Variants in IQUB observed in about 807,000 individuals in gnomAD.
IQUB encodes the protein IQ motif and ubiquitin domain containing.
In IQUB, 86 loss-of-function variants were observed where a neutral mutation model predicts 86.4. The ratio of observed to expected loss-of-function variants is 1.00; its 90% CI spans 0.84 to 1.19. The LOEUF is 1.19. IQUB is among the 50% of genes most tolerant of loss of function. The pLI is 0.00. For synonymous variants in IQUB, 289 were observed against 304.5 expected (o/e 0.95, Z 0.53); for missense variants, 946 against 916.9 (o/e 1.03, Z -0.41).
At chr7:123,501,442 C>T (rs1795938784) in intron 6 of IQUB, 1 of 152,194 alleles carries the variant, frequency 6.6e-6, no homozygotes, top group South Asian at 2.1e-4. Context: ...CAAGGACACT[C>T]TACAACTATA....
intron 3 of IQUB, among the ~76,000 whole-genome samples, chr7:123,508,525 A>G (rs1463395167): frequency 2.6e-5 from 4 of 152,218 alleles, no homozygotes; most frequent in Non-Finnish European, 2.9e-5. Flanking sequence ...GATGCCTGGC[A>G]TAGAGTCAAG....
intron 1 of IQUB, among the ~76,000 whole-genome samples, chr7:123,527,108 G>A (rs983442017): frequency 9.9e-5 from 15 of 152,028 alleles, no homozygotes; most frequent in African/African-American, 1.9e-4. Flanking sequence ...TGATCACATC[G>A]GCTCCTGAGG....
intron 7 of IQUB, among the ~76,000 whole-genome samples, chr7:123,484,378 G>A (rs1314915495): frequency 6.6e-6 from 1 of 151,942 alleles, no homozygotes; most frequent in Non-Finnish European, 1.5e-5. Context: ...AGCAGTTTAT[G>A]AATGAAGAGA....
intron 3 of IQUB, among the ~76,000 whole-genome samples, chr7:123,505,706 C>A (rs1253313641): frequency 3.9e-5 from 6 of 152,224 alleles, no homozygotes; most frequent in African/African-American, 1.4e-4. Flanking sequence ...GCCTCCAGGC[C>A]TGTGACAAGA....
At chr7:123,491,143 G>T (rs1357953417) in intron 7 of IQUB, among the ~76,000 whole-genome samples, 3 of 151,958 alleles carry the variant, frequency 2.0e-5, no homozygotes, top group African/African-American at 7.3e-5. Flanking sequence ...TAATCAAAAG[G>T]ATAATTAGAA....
chr7:123,452,623 G>A lies in IQUB; in HGVS notation c.*120C>T. 1 of 589,042 alleles carries A rather than the reference G, an allele frequency of 1.7e-6. No homozygotes were observed. Among genetic ancestry groups the A allele is most frequent in the Non-Finnish European group, 2.7e-6 (1 of 377,140 alleles). The allele number at this position is 589,042 out of a possible 1,614,324, so 36.5% of individuals were successfully genotyped here. A position where few individuals can be genotyped will look rare whatever the true frequency, so the allele number is the denominator to read the frequency against. On this transcript the variant is annotated 3_prime_UTR_variant, in exon 13 of 13. Coordinates refer to ENST00000324698, the MANE Select transcript of IQUB (RefSeq NM_178827.5). ...CTCTTTATATAACTCAAAATACTAT[G>A]AAAAACAAAAAACAAAATCAATAAA...
intron 7 of IQUB, among the ~76,000 whole-genome samples, chr7:123,491,222 T>A (rs1272726763): frequency 1.3e-5 from 2 of 152,082 alleles, no homozygotes; most frequent in Non-Finnish European, 2.9e-5. Context: ...GAAGCAGTAC[T>A]TAAGGGAAAA....
intron 8 of IQUB, among the ~76,000 whole-genome samples, chr7:123,470,966 C>CTGCT (rs1794494902): frequency 6.6e-6 from 1 of 151,938 alleles, no homozygotes; most frequent in Non-Finnish European, 1.5e-5. Flanking sequence ...ACATTGAGAA[C>CTGCT]TGCAAAGCTA....
chr7:123,472,468 G>A (rs1794569860), intron 8 of IQUB, among the ~76,000 whole-genome samples: 1 of 152,104 alleles, frequency 6.6e-6, no homozygotes, highest in Non-Finnish European at 1.5e-5. Flanking sequence ...GTAAGAAAAT[G>A]AGTAATTAGA....
chr7:123,495,758 T>A, intron 7 of IQUB, among the ~76,000 whole-genome samples: 1 of 152,156 alleles, frequency 6.6e-6, no homozygotes, highest in East Asian at 1.9e-4. Context: ...TGCATTAGTA[T>A]AACCCTGGAT....
intron 1 of IQUB, among the ~76,000 whole-genome samples, chr7:123,517,034 GC>G (rs1488659799): frequency 1.3e-5 from 2 of 152,116 alleles, no homozygotes; most frequent in African/African-American, 4.8e-5. Context: ...GGATCCCTGT[GC>G]CCCCAAATCC....
In IQUB at chr7:123,512,135, G is replaced by T; in HGVS notation, c.206C>A (p.Ser69Ter). ...TTGTTCATTGTCTGGTTCCAGGCTT[G>T]AAAAGCTTTGGTCACTCTGCTCCTC... is the stretch of plus-strand genomic sequence containing the variant. ...HVEEQSDQSF[S>*]SLEPDNEQLM... Residue 69 changes from serine (S) to a stop codon, truncating the protein, a stop_gained, in exon 2 of 13, where the codon TCA becomes TAA. Transcript: ENST00000324698. LOFTEE classifies it high-confidence loss of function. The T allele has an allele frequency of 1.9e-6, 3 of 1,614,020 alleles. No homozygotes were observed. Among genetic ancestry groups the T allele is most frequent in the African/African-American group, 1.3e-5 (1 of 75,042 alleles).
chr7:123,512,086 T>G lies in IQUB; in HGVS notation c.255A>C (p.Pro85=), dbSNP rs1796441519. ...GTTGCGGAGTATATGAAACTTGTCT[T>G]GGTGATATAACCTCTTCCATGAGTT... is the stretch of plus-strand genomic sequence containing the variant. ...NEQLMEEVIS[P]RQVSYTPQHH... The change falls in exon 2 of 13, where the codon CCA becomes CCC. Residue 85 remains proline (P), a synonymous_variant. Transcript: ENST00000324698. 6.2e-7 allele frequency: 1 copy of G among 1,614,114 alleles called. No individual in the cohort carries two copies. The highest frequency in any genetic ancestry group is 8.5e-7 in the Non-Finnish European group (1 of 1,179,982).
chr7:123,520,341 A>G (rs919632364), intron 1 of IQUB, among the ~76,000 whole-genome samples: 1 of 152,226 alleles, frequency 6.6e-6, no homozygotes, highest in African/African-American at 2.4e-5. Context: ...GACAAGTAAT[A>G]ACTAAATTAG....
chr7:123,465,397 G>A (rs1484684688), intron 9 of IQUB, among the ~76,000 whole-genome samples: 1 of 151,912 alleles, frequency 6.6e-6, no homozygotes, highest in Non-Finnish European at 1.5e-5. Flanking sequence ...AAGTCAGTAT[G>A]ATAGTTACTT....
At chr7:123,530,632 T>A (rs1423932304) in intron 1 of IQUB, among the ~76,000 whole-genome samples, 1 of 152,048 alleles carries the variant, frequency 6.6e-6, no homozygotes, top group Non-Finnish European at 1.5e-5. Flanking sequence ...TTTCTACCCA[T>A]TTTTTACTCT....
At chr7:123,483,948 C>A (rs74886199) in intron 7 of IQUB, among the ~76,000 whole-genome samples, 2,613 of 152,126 alleles carry the variant, frequency 0.017, 79 homozygotes, top group African/African-American at 0.06. Flanking sequence ...ACTTTAAAAT[C>A]AGTCTCTATG....
intron 6 of IQUB, among the ~76,000 whole-genome samples, chr7:123,499,909 T>C (rs1795866152): frequency 2.0e-5 from 3 of 152,100 alleles, no homozygotes; most frequent in Non-Finnish European, 4.4e-5. Flanking sequence ...AAGACCTTGC[T>C]AATAAAACAG....
At chr7:123,478,104 G>T (rs1201847639) in intron 8 of IQUB, among the ~76,000 whole-genome samples, 2 of 152,096 alleles carry the variant, frequency 1.3e-5, no homozygotes, top group Non-Finnish European at 2.9e-5. Context: ...ATACTCAAAG[G>T]ATTATAAACC....
Sources: gnomAD v4.1 joint callset for allele counts (sites outside exome capture counted in the v4.1 genomes callset) on GRCh38, gnomAD v4.1.1 for gene constraint, MANE v1.5 for transcripts, NCBI Gene and HGNC (gene_info 2026-07-23, HGNC 2026-07-21) for gene names.